ARMCX4: variants seen among roughly 807,000 people sequenced by gnomAD.
ARMCX4 encodes the protein armadillo repeat-containing X-linked protein 4.
A neutral mutation model predicts 34.7 loss-of-function variants in ARMCX4; 3 were observed. That is an observed-to-expected ratio of 0.09 (90% CI 0.04 to 0.22). ARMCX4 has a LOEUF of 0.22. ARMCX4 is among the 10% of genes least tolerant of loss of function. The probability of loss-of-function intolerance (pLI) is 1.00; values close to 1 mark genes in which losing one functional copy is unlikely to be tolerated. For synonymous variants in ARMCX4, 513 were observed against 632.8 expected (o/e 0.81, Z 2.84); for missense variants, 1,448 against 1,720.8 (o/e 0.84, Z 2.81).
intron 2 of ARMCX4, among the ~76,000 whole-genome samples, chrX:101,443,378 C>T (rs988871407): frequency 1.8e-5 from 2 of 111,500 alleles, no homozygotes; most frequent in Non-Finnish European, 3.8e-5. Context: ...AAGCAGAGGG[C>T]GGCCCTCATC....
At chrX:101,431,832 C>T (rs1463142079) in intron 2 of ARMCX4, among the ~76,000 whole-genome samples, 1 of 112,477 alleles carries the variant, frequency 8.9e-6, no homozygotes, top group Non-Finnish European at 1.9e-5. Flanking sequence ...CGTGAGCCAC[C>T]ACGCCTGGCC....
chrX:101,529,126 C>T (rs1417532778), intron 11 of ARMCX4, among the ~76,000 whole-genome samples: 1 of 111,230 alleles, frequency 9.0e-6, no homozygotes, highest in African/African-American at 3.3e-5. Flanking sequence ...GTACTCGTAC[C>T]AAAACAGAGA....
chrX:101,444,824 A>ATT (rs1555997684), intron 3 of ARMCX4, among the ~76,000 whole-genome samples: 1 of 74,389 alleles, frequency 1.3e-5, no homozygotes, highest in East Asian at 3.8e-4. Flanking sequence ...CATAGTTGCC[A>ATT]TTTTGTGTGT....
intron 2 of ARMCX4, chrX:101,443,982 C>A: frequency 2.6e-6 from 1 of 379,846 alleles, no homozygotes; most frequent in South Asian, 2.6e-5. Context: ...GAAGTCACCA[C>A]CCTGACACAT....
intron 4 of ARMCX4, among the ~76,000 whole-genome samples, chrX:101,453,597 T>C (rs1932106109): frequency 9.0e-6 from 1 of 111,297 alleles, no homozygotes; most frequent in African/African-American, 3.3e-5. Flanking sequence ...TCCAGCAGTC[T>C]AAGAATTTGT....
In ARMCX4 at chrX:101,468,723, C is replaced by T. The variant is rs953916562; in HGVS notation, c.-472-17300C>T. Among the ~76,000 whole-genome samples, 3 of 110,766 alleles carry T rather than the reference C, an allele frequency of 2.7e-5. No individual in the cohort carries two copies. The South Asian group carries it at 1.2e-3, about 43-fold the overall frequency. On this transcript the variant is annotated intron_variant and NMD_transcript_variant, in intron 4 of 15. Transcript: ENST00000433011. ...CCACCTCCAGGGTTCACGCCATTCT[C>T]CTGCCTCAGCCTCTCAAGTAGCTGG...
At chrX:101,450,114 T>G (rs1555998853), downstream of ARMCX4, among the ~76,000 whole-genome samples, 1 of 112,337 alleles carries the variant, frequency 8.9e-6, no homozygotes, top group African/African-American at 3.2e-5. Context: ...AGCTGGAGGT[T>G]AAGCGAGAAA....
chrX:101,514,447 C>A (rs1934663723), intron 11 of ARMCX4, among the ~76,000 whole-genome samples: 1 of 111,936 alleles, frequency 8.9e-6, no homozygotes, highest in Admixed American at 9.5e-5. Context: ...CTTCAAAAGG[C>A]CATTCTGTTA....
intron 2 of ARMCX4, among the ~76,000 whole-genome samples, chrX:101,430,439 T>C (rs1157368773): frequency 1.8e-5 from 2 of 112,639 alleles, no homozygotes; most frequent in Non-Finnish European, 3.7e-5. Flanking sequence ...ATGAGAAAAC[T>C]TGATTGTGGA....
intron 11 of ARMCX4, among the ~76,000 whole-genome samples, chrX:101,519,399 A>G (rs1268563743): frequency 7.2e-5 from 8 of 111,586 alleles, no homozygotes; most frequent in Non-Finnish European, 1.1e-4. Flanking sequence ...GATACCTCAT[A>G]TAAGTGGAAT....
At chrX:101,426,481 A>T (rs960719669) in intron 2 of ARMCX4, among the ~76,000 whole-genome samples, 46 of 111,242 alleles carry the variant, frequency 4.1e-4, no homozygotes, top group African/African-American at 1.4e-3. Flanking sequence ...AATAAGGAGG[A>T]GGAGTTGGAA....
In ARMCX4 at chrX:101,493,538, C is replaced by T. The variant is rs1556010419; in HGVS notation, c.4949C>T (p.Pro1650Leu). Residue 1650 changes from proline to leucine, a missense_variant, in exon 6 of 6, where the codon CCT (proline) becomes CTT (leucine). Coordinates refer to ENST00000423738, the MANE Select transcript of ARMCX4 (RefSeq NM_001256155.3). ...NQSSGRSWIG[P>L]GDQAVDCSKP... ...TCCAGTGGAAGGTCCTGGATTGGGC[C>T]TGGGGATCAGGCTGTTGACTGTTCC... 1.7e-6 allele frequency: 2 copies of T among 1,154,891 alleles called. No homozygotes were observed. Among genetic ancestry groups the T allele is most frequent in the South Asian group, 1.9e-5 (1 of 52,656 alleles).
chrX:101,436,076 G>A (rs1313848727), intron 2 of ARMCX4, among the ~76,000 whole-genome samples: 26 of 110,898 alleles, frequency 2.3e-4, no homozygotes, highest in African/African-American at 3.9e-4. Flanking sequence ...GTCAGGTAGC[G>A]TGATGCCTCC....
intron 2 of ARMCX4, among the ~76,000 whole-genome samples, chrX:101,441,017 C>T (rs1379550316): frequency 9.0e-6 from 1 of 110,863 alleles, no homozygotes; most frequent in Non-Finnish European, 1.9e-5. Context: ...GTGAGATGAA[C>T]CCGGTACCTC....
At chrX:101,500,074 G>A (rs1033345089), downstream of ARMCX4, among the ~76,000 whole-genome samples, 1 of 111,420 alleles carries the variant, frequency 9.0e-6, no homozygotes, top group Non-Finnish European at 1.9e-5. Context: ...AGAAATACTC[G>A]AACATTTTGA....
chrX:101,451,697 T>C (rs1223792627), downstream of ARMCX4, among the ~76,000 whole-genome samples: 1 of 112,128 alleles, frequency 8.9e-6, no homozygotes, highest in Non-Finnish European at 1.9e-5. Context: ...AAGACCAAAA[T>C]GTGCTTCCCA....
At chrX:101,524,678 G>A (rs929048668) in intron 11 of ARMCX4, among the ~76,000 whole-genome samples, 2 of 111,887 alleles carry the variant, frequency 1.8e-5, no homozygotes, top group Admixed American at 9.4e-5. Flanking sequence ...CTGGCTCGGC[G>A]GGTCCCATGC....
At chrX:101,449,855 T>G (rs782639192), downstream of ARMCX4, among the ~76,000 whole-genome samples, 1 of 111,307 alleles carries the variant, frequency 9.0e-6, no homozygotes, top group Non-Finnish European at 1.9e-5. Flanking sequence ...CTATCTTTCT[T>G]GGGAAGGCTT....
intron 2 of ARMCX4, among the ~76,000 whole-genome samples, chrX:101,436,259 A>G (rs1930758973): frequency 9.0e-6 from 1 of 110,891 alleles, no homozygotes; most frequent in African/African-American, 3.3e-5. Flanking sequence ...CAGGATATTG[A>G]TTCTTCCTAC....
Sources: allele counts gnomAD v4.1 joint callset (sites outside exome capture counted in the v4.1 genomes callset), GRCh38; gene constraint gnomAD v4.1.1; transcripts MANE v1.5; gene names NCBI Gene and HGNC (gene_info 2026-07-23, HGNC 2026-07-21).